Variants in ZFAT observed in about 807,000 individuals in gnomAD.
ZFAT encodes the protein zinc finger protein ZFAT.
In ZFAT, 64 loss-of-function variants were observed where a neutral mutation model predicts 117.7. The observed-to-expected ratio is 0.54, with a 90% CI of 0.44 to 0.67. The LOEUF (loss-of-function observed/expected upper bound fraction) is 0.67. Among genes scored for constraint, ZFAT ranks in the 30% least tolerant of loss-of-function variants. The pLI, the probability that ZFAT is intolerant of heterozygous loss-of-function variation, is 0.00. For synonymous variants in ZFAT, 679 were observed against 615.0 expected, an observed-to-expected ratio of 1.10 and a Z score of -1.54; for missense variants, 1,433 against 1,584.5, an observed-to-expected ratio of 0.90 and a Z score of 1.62.
chr8:134,543,172 C>T (rs1822411585), intron 11 of ZFAT, among the ~76,000 whole-genome samples: 1 of 151,846 alleles, frequency 6.6e-6, no homozygotes, highest in Non-Finnish European at 1.5e-5. Context: ...CTGCCCACAC[C>T]TCTCTGTGAC....
chr8:134,688,906 T>C (rs984344360), intron 1 of ZFAT, among the ~76,000 whole-genome samples: 2 of 152,174 alleles, frequency 1.3e-5, no homozygotes, highest in African/African-American at 4.8e-5. Context: ...TTCCCCACTC[T>C]GCTTCCTGGG....
At chr8:134,697,849 G>A (rs933974634) in intron 1 of ZFAT, among the ~76,000 whole-genome samples, 1 of 150,212 alleles carries the variant, frequency 6.7e-6, no homozygotes, top group Non-Finnish European at 1.5e-5. Flanking sequence ...CCAAAGCGCT[G>A]GGATTACAGG....
At chr8:134,734,521 G>A in the ZFAT span, among the ~76,000 whole-genome samples, 3 of 152,208 alleles carry the variant, frequency 2.0e-5, no homozygotes, top group East Asian at 1.9e-4. Flanking sequence ...ACAGAGCAAG[G>A]CTTTGTTATC....
the ZFAT span, among the ~76,000 whole-genome samples, chr8:134,762,992 T>G: frequency 2.6e-5 from 4 of 152,180 alleles, no homozygotes; most frequent in African/African-American, 9.7e-5. Context: ...TCTCTTTATA[T>G]GGACTACCAC....
chr8:134,600,500 C>T lies in ZFAT; in HGVS notation c.2411G>A (p.Gly804Asp), dbSNP rs746340995. 1.9e-6 allele frequency: 3 copies of T among 1,614,060 alleles called. No individual in the cohort carries two copies. Among genetic ancestry groups the T allele is most frequent in the Non-Finnish European group, 2.5e-6 (3 of 1,180,056 alleles). The change falls in exon 7 of 16, where the codon GGC (glycine) becomes GAC (aspartate). Residue 804 changes from glycine (G) to aspartate (D), a missense_variant. Physicochemically the swap from Gly to Asp is moderately conservative, Grantham distance 94. Transcript: ENST00000377838. The stretch of plus-strand genomic sequence containing the variant: ...TTTATCTGGAGTTGAGTAGTCACAG[C>T]CATCGGTGGGACACTTCAGCAAGAT... ...SNILLKCPTD[G>D]CDYSTPDKYK... is the part of the protein sequence containing the mutation.
chr8:134,506,416 G>A (rs1369784390), intron 15 of ZFAT, among the ~76,000 whole-genome samples: 1 of 152,182 alleles, frequency 6.6e-6, no homozygotes. Flanking sequence ...AAGAAAAGAG[G>A]GAAAGTGACA....
intron 11 of ZFAT, among the ~76,000 whole-genome samples, chr8:134,540,512 C>G (rs891759423): frequency 2.6e-5 from 4 of 152,176 alleles, no homozygotes; most frequent in African/African-American, 9.6e-5. Context: ...TCATGTAGCC[C>G]GGGACCTTGT....
chr8:134,584,317 C>T (rs905518386), intron 9 of ZFAT, among the ~76,000 whole-genome samples: 3 of 152,174 alleles, frequency 2.0e-5, no homozygotes, highest in Admixed American at 2.0e-4. Flanking sequence ...TTCCCAACTC[C>T]TGTAACTCTC....
intron 2 of ZFAT, among the ~76,000 whole-genome samples, chr8:134,651,192 G>C (rs1272490718): frequency 2.0e-5 from 3 of 150,952 alleles, no homozygotes; most frequent in Non-Finnish European, 4.4e-5. Context: ...ATATATCCAA[G>C]AGAAATGAAA....
the ZFAT span, chr8:134,765,089 T>A: frequency 1.3e-5 from 2 of 152,354 alleles, no homozygotes; most frequent in East Asian, 3.9e-4. Flanking sequence ...CTAGGTAGGA[T>A]GTATACAGCT....
chr8:134,506,130 GTGC>G (rs1200831987), intron 15 of ZFAT, among the ~76,000 whole-genome samples: 25 of 152,308 alleles, frequency 1.6e-4, no homozygotes, highest in African/African-American at 5.5e-4. Flanking sequence ...AGCATTTCCT[GTGC>G]GGCTAGCTGT....
At chr8:134,527,320 T>C (rs2039112213) in intron 12 of ZFAT, among the ~76,000 whole-genome samples, 1 of 152,188 alleles carries the variant, frequency 6.6e-6, no homozygotes. Flanking sequence ...ATAATAAAAC[T>C]GTGTTGTTTT....
At chr8:134,610,724 T>C (rs1256377188) in intron 3 of ZFAT, 69 bp from the exon 4 acceptor site, 39 of 1,546,528 alleles carry the variant, frequency 2.5e-5, no homozygotes, top group Non-Finnish European at 3.3e-5. Context: ...GGGTAAACAC[T>C]ACTCTTTCAC....
chr8:134,749,711 G>T, the ZFAT span, among the ~76,000 whole-genome samples: 1 of 152,110 alleles, frequency 6.6e-6, no homozygotes, highest in Non-Finnish European at 1.5e-5. Flanking sequence ...ACAATTTCCG[G>T]TTGTTCCATT....
the ZFAT span, among the ~76,000 whole-genome samples, chr8:134,824,919 G>A: frequency 6.6e-6 from 1 of 152,306 alleles, no homozygotes; most frequent in South Asian, 2.1e-4. Flanking sequence ...ACAGTGCAGT[G>A]CTGTAAGGCA....
intron 3 of ZFAT, among the ~76,000 whole-genome samples, chr8:134,611,338 G>A (rs147426772): frequency 3.2e-4 from 48 of 152,376 alleles, no homozygotes; most frequent in African/African-American, 1.1e-3. Context: ...AGGAGTGGGT[G>A]TGGTGGAAAC....
chr8:134,701,244 G>C (rs985788433), intron 1 of ZFAT, among the ~76,000 whole-genome samples: 1 of 152,086 alleles, frequency 6.6e-6, no homozygotes, highest in African/African-American at 2.4e-5. Flanking sequence ...AACTACTCTA[G>C]GAATCTCATG....
rs374767571 is a variant in ZFAT at position 134,602,329 on chromosome 8, G to A, written c.1390C>T (p.Arg464Cys). Residue 464 changes from arginine to cysteine, a missense_variant, in exon 6 of 16, where the codon CGC becomes TGC. Around this residue, in one of 5 missense-constraint regions of ZFAT, gnomAD observed 73 missense variants for 122.0 expected, o/e 0.60. Transcript: ENST00000377838. ...HPFVYVCAVC[R>C]KKFVSSIRLR... ...CTGATGGAGCTGACGAACTTCTTGC[G>A]GCAGACGGCACAGACGTACACGAAG... 1.7e-5 allele frequency: 28 copies of A among 1,613,760 alleles called. No individual in the cohort carries two copies. Among genetic ancestry groups the A allele is most frequent in the African/African-American group, 4.0e-5 (3 of 74,942 alleles).
chr8:134,796,928 T>C, the ZFAT span: 3 of 152,194 alleles, frequency 2.0e-5, no homozygotes, highest in East Asian at 1.9e-4. Context: ...AATCATGACA[T>C]TGTATCAGTG....
Sources: gnomAD v4.1 joint callset for allele counts (sites outside exome capture counted in the v4.1 genomes callset) on GRCh38, gnomAD v4.1.1 for gene constraint, gnomAD v4.1.1 regional missense constraint, MANE v1.5 for transcripts, NCBI Gene and HGNC (gene_info 2026-07-23, HGNC 2026-07-21) for gene names.